PGM5: variants seen among roughly 807,000 people sequenced by gnomAD.
PGM5 encodes phosphoglucomutase 5.
Under a neutral mutation model 59.2 loss-of-function variants are expected in PGM5, and 23 were observed. That is an observed-to-expected ratio of 0.39 (90% CI 0.28 to 0.55). The LOEUF (loss-of-function observed/expected upper bound fraction) is 0.55, where lower values mean the gene tolerates loss of function less well. Among genes scored for constraint, PGM5 ranks in the 20% least tolerant of loss-of-function variants. The probability of loss-of-function intolerance (pLI) is 0.66; values close to 1 mark genes in which losing one functional copy is unlikely to be tolerated. For missense variants in PGM5, 574 were observed against 748.3 expected (o/e 0.77, Z 2.72); for synonymous variants, 214 against 286.0 (o/e 0.75, Z 2.54).
At position 68,378,302 on chromosome 9, in the gene PGM5, G is replaced by C. The variant is rs782445700; in HGVS notation, c.365G>C (p.Ser122Thr). 7 of 1,595,600 alleles carry C rather than the reference G, an allele frequency of 4.4e-6. No individual in the cohort carries two copies. Among genetic ancestry groups the C allele is most frequent in the Non-Finnish European group, 1.7e-6 (2 of 1,172,398 alleles). ...GCTGGTGGAATCATTCTAACAGCCA[G>C]CCACTGCCCTGGAGGACCAGGGGGA... ...KAAGGIILTASHCPGGPGGEF... is the reference protein window; with the variant it reads ...KAAGGIILTATHCPGGPGGEF... Residue 122 changes from serine to threonine, a missense_variant, in exon 2 of 11, where the codon AGC becomes ACC. By Grantham distance (58) the Ser-to-Thr change is moderately conservative (BLOSUM62 1). This residue lies in a region of PGM5 where 61 missense variants were observed against 133.3 expected (regional missense o/e 0.46). Coordinates refer to ENST00000396396, the MANE Select transcript of PGM5 (RefSeq NM_021965.4).
intron 6 of PGM5, among the ~76,000 whole-genome samples, chr9:68,443,286 TC>T (rs1554683795): frequency 6.6e-6 from 1 of 152,182 alleles, no homozygotes; most frequent in South Asian, 2.1e-4. Flanking sequence ...TACTGTATCA[TC>T]CCATTTGTAT....
chr9:68,469,835 A>T (rs1253610751), intron 7 of PGM5, among the ~76,000 whole-genome samples: 1 of 152,226 alleles, frequency 6.6e-6, no homozygotes, highest in African/African-American at 2.4e-5. Context: ...GGGTGGAAGG[A>T]AAGTACAAAG....
chr9:68,360,597 G>A (rs1301061321), intron 1 of PGM5, among the ~76,000 whole-genome samples: 36 of 150,840 alleles, frequency 2.4e-4, no homozygotes, highest in African/African-American at 8.2e-4. Flanking sequence ...AAAATTATGG[G>A]ATGTAAAAAA....
intron 10 of PGM5, among the ~76,000 whole-genome samples, chr9:68,528,070 A>G (rs1194988409): frequency 6.6e-6 from 1 of 152,116 alleles, no homozygotes; most frequent in East Asian, 1.9e-4. Context: ...CCCTTTATGC[A>G]TGGGAATAGG....
At chr9:68,414,853 G>A (rs1554681859) in intron 6 of PGM5, among the ~76,000 whole-genome samples, 6 of 140,860 alleles carry the variant, frequency 4.3e-5, no homozygotes. Context: ...TTTGCCTAGT[G>A]TACAGAAAGA....
chr9:68,390,756 C>A (rs1330711351), intron 4 of PGM5, among the ~76,000 whole-genome samples: 25 of 152,200 alleles, frequency 1.6e-4, no homozygotes, highest in Non-Finnish European at 2.8e-4. Context: ...CAAACACTTG[C>A]CAACTTTATA....
intron 6 of PGM5, among the ~76,000 whole-genome samples, chr9:68,453,843 A>G (rs1823733354): frequency 1.3e-5 from 2 of 152,216 alleles, no homozygotes. Flanking sequence ...CCCAGCATCT[A>G]AGGCAATATC....
intron 10 of PGM5, among the ~76,000 whole-genome samples, chr9:68,529,307 T>C (rs1221717063): frequency 6.6e-6 from 1 of 151,956 alleles, no homozygotes; most frequent in African/African-American, 2.4e-5. Context: ...GTTTGGTAGT[T>C]GGGTTGTACA....
At chr9:68,466,762 G>A (rs1554685858) in intron 7 of PGM5, among the ~76,000 whole-genome samples, 1 of 152,160 alleles carries the variant, frequency 6.6e-6, no homozygotes, top group African/African-American at 2.4e-5. Context: ...GAAGGGTACT[G>A]GAGAGGTTTT....
At chr9:68,445,815 T>C (rs1823602180) in intron 6 of PGM5, among the ~76,000 whole-genome samples, 1 of 152,242 alleles carries the variant, frequency 6.6e-6, no homozygotes, top group South Asian at 2.1e-4. Flanking sequence ...ACCTCTCATT[T>C]GGGGAGTTAC....
At chr9:68,423,147 C>T (rs1324333628) in intron 6 of PGM5, among the ~76,000 whole-genome samples, 2 of 151,972 alleles carry the variant, frequency 1.3e-5, no homozygotes, top group African/African-American at 4.8e-5. Flanking sequence ...GGGTTGGTTC[C>T]ATGTTTTTCC....
rs868948124 is a variant in PGM5 at position 68,510,497 on chromosome 9, T to G, written c.1614+11136T>G. ...GAGTCCTAGTTCTGCCATTTTCCAG[T>G]TTTGTGATCTTGGGCAACTTAATAT... On this transcript the variant is annotated intron_variant, in intron 10 of 10. Coordinates refer to ENST00000396396, the MANE Select transcript of PGM5 (RefSeq NM_021965.4). 1.4e-4 allele frequency among the ~76,000 whole-genome samples: 22 copies of G among 152,262 alleles called. 2 individuals carry two copies. The Middle Eastern group carries it at 0.02, about 141-fold the overall frequency.
intron 6 of PGM5, among the ~76,000 whole-genome samples, chr9:68,416,992 G>A (rs1033773817): frequency 2.6e-5 from 4 of 152,028 alleles, no homozygotes; most frequent in African/African-American, 7.2e-5. Context: ...TTTTCCTAAC[G>A]GGGTTCAGTA....
rs2933538 is a variant in PGM5 at position 68,401,927 on chromosome 9, G to A, written c.1043+9454G>A. On this transcript the variant is annotated intron_variant, in intron 6 of 10. Coordinates refer to ENST00000396396, the MANE Select transcript of PGM5 (RefSeq NM_021965.4). ...TGTGTGTGTGTGTGTGTGTGTGTGT[G>A]TGTATATATTTGTCAAGGCTCATGA... Among the ~76,000 whole-genome samples the A allele has an allele frequency of 2.7e-3, 159 of 58,214 alleles. 1 individual carries two copies. Among genetic ancestry groups the A allele is most frequent in the Non-Finnish European group, 2.1e-3 (57 of 27,400 alleles). The allele number at this position is 58,214 out of a possible 152,430, so 38.2% of individuals were successfully genotyped here. A position where few individuals can be genotyped will look rare whatever the true frequency, so the allele number is the denominator to read the frequency against.
rs140504300 is a variant in PGM5, at chr9:68,436,234, C to G, written c.1044-28859C>G. Among the ~76,000 whole-genome samples the G allele has an allele frequency of 5.7e-3, 864 of 152,300 alleles. 5 individuals carry two copies. The highest frequency in any genetic ancestry group is 0.02 in the African/African-American group (815 of 41,566). On this transcript the variant is annotated intron_variant, in intron 6 of 10. Coordinates refer to ENST00000396396, the MANE Select transcript of PGM5 (RefSeq NM_021965.4). ...AAACTGGTCAGTGTCCTTTGAGGTA[C>G]AGCAAAAAGCTCTACCCAAACAGGG...
chr9:68,409,009 T>C (rs1212118951), intron 6 of PGM5, among the ~76,000 whole-genome samples: 7 of 152,130 alleles, frequency 4.6e-5, no homozygotes, highest in Admixed American at 2.0e-4. Context: ...TCAGGTAGTG[T>C]GATGCCTCCA....
intron 9 of PGM5, among the ~76,000 whole-genome samples, chr9:68,492,855 G>T (rs912369890): frequency 1.3e-5 from 2 of 152,072 alleles, no homozygotes; most frequent in Non-Finnish European, 2.9e-5. Context: ...TGCTTTCTAG[G>T]CTGCATGCCC....
intron 6 of PGM5, among the ~76,000 whole-genome samples, chr9:68,462,034 G>C (rs1554685443): frequency 1.3e-5 from 2 of 152,084 alleles, no homozygotes; most frequent in African/African-American, 4.8e-5. Flanking sequence ...TGGAAAGCTA[G>C]GTTGATGCAA....
At chr9:68,520,038 C>T (rs946702108) in intron 10 of PGM5, among the ~76,000 whole-genome samples, 2 of 147,122 alleles carry the variant, frequency 1.4e-5, no homozygotes, top group African/African-American at 2.5e-5. Context: ...TGCAGTCAGC[C>T]ATGATCATAC....
Sources: allele counts gnomAD v4.1 joint callset (sites outside exome capture counted in the v4.1 genomes callset), GRCh38; gene constraint gnomAD v4.1.1; regional missense constraint gnomAD v4.1.1; transcripts MANE v1.5; gene names NCBI Gene and HGNC (gene_info 2026-07-23, HGNC 2026-07-21).